Variants in CORO2B observed in about 807,000 individuals in gnomAD.
CORO2B encodes coronin 2B.
Under a neutral mutation model 58.8 loss-of-function variants are expected in CORO2B, and 26 were observed. The observed-to-expected ratio is 0.44, with a 90% confidence interval of 0.32 to 0.61. The LOEUF (loss-of-function observed/expected upper bound fraction) is 0.61, where lower values mean the gene tolerates loss of function less well. Among genes scored for constraint, CORO2B ranks in the 20% least tolerant of loss-of-function variants. CORO2B has a pLI of 0.04. For missense variants in CORO2B, 460 were observed against 645.1 expected (o/e 0.71, Z 3.11); for synonymous variants, 242 against 253.8 (o/e 0.95, Z 0.44).
At chr15:68,617,835 G>C (rs1386102281) in intron 1 of CORO2B, among the ~76,000 whole-genome samples, 2 of 152,184 alleles carry the variant, frequency 1.3e-5, no homozygotes, top group East Asian at 3.9e-4. Flanking sequence ...TGAGCCCTGT[G>C]CCTGAATGGG....
At chr15:68,711,436 C>T in intron 4 of CORO2B, 106 bp from the exon 5 acceptor site, 2 of 932,378 alleles carry the variant, frequency 2.1e-6, no homozygotes, top group Non-Finnish European at 1.6e-6. Context: ...ACACCCCAGG[C>T]CCTGCATGGG....
At chr15:68,560,237 CCTTT>C in the CORO2B span, among the ~76,000 whole-genome samples, 9 of 151,940 alleles carry the variant, frequency 5.9e-5, no homozygotes, top group African/African-American at 7.2e-5. Context: ...TTGTTTTCTT[CCTTT>C]CTTTCTCTTT....
At chr15:68,721,134 G>C (rs112259028) in intron 11 of CORO2B, among the ~76,000 whole-genome samples, 26,508 of 151,604 alleles carry the variant, frequency 0.17, 2,856 homozygotes, top group Non-Finnish European at 0.24. Context: ...CACCTGCCTC[G>C]GCCTCCCAAA....
chr15:68,674,322 A>G (rs1393014536), intron 2 of CORO2B, among the ~76,000 whole-genome samples: 1 of 152,178 alleles, frequency 6.6e-6, no homozygotes, highest in Non-Finnish European at 1.5e-5. Flanking sequence ...TGGGTAGTAT[A>G]TATTCTCTGC....
At chr15:68,650,427 A>G (rs1270132742) in intron 2 of CORO2B, among the ~76,000 whole-genome samples, 3 of 150,524 alleles carry the variant, frequency 2.0e-5, no homozygotes, top group East Asian at 3.9e-4. Flanking sequence ...CCTGGCCAAC[A>G]TGGTGAAACC....
At chr15:68,607,101 G>A (rs1347015490) in intron 1 of CORO2B, among the ~76,000 whole-genome samples, 3 of 152,170 alleles carry the variant, frequency 2.0e-5, no homozygotes, top group African/African-American at 7.2e-5. Context: ...GTTAGCAAGG[G>A]GCCTCAAGGA....
chr15:68,724,666 A>G (rs71402286), intron 11 of CORO2B, among the ~76,000 whole-genome samples: 1 of 152,178 alleles, frequency 6.6e-6, no homozygotes, highest in Non-Finnish European at 1.5e-5. Flanking sequence ...TTTTATAGAA[A>G]CAACAACTCT....
rs545154857 is a variant in CORO2B, at chr15:68,598,372, A to G, written c.15+19095A>G. Among the ~76,000 whole-genome samples, 7 of 152,320 alleles carry G rather than the reference A, an allele frequency of 4.6e-5. 1 individual carries two copies. In the South Asian group the frequency reaches 1.0e-3, roughly 23 times the overall value. On this transcript the variant is annotated intron_variant, in intron 1 of 11. Coordinates refer to ENST00000261861, the MANE Select transcript of CORO2B (RefSeq NM_006091.5). ...GTGCTTTGGTAGGGGGTGGAGATAA[A>G]TGGGAAGTTCTGCTGTCTCTGCTTC...
chr15:68,525,558 T>C, the CORO2B span, among the ~76,000 whole-genome samples: 1 of 152,186 alleles, frequency 6.6e-6, no homozygotes, highest in Non-Finnish European at 1.5e-5. Flanking sequence ...AAAGTAGAAA[T>C]GTAATTTCTG....
intron 2 of CORO2B, among the ~76,000 whole-genome samples, chr15:68,658,531 CTT>C (rs1238888650): frequency 6.6e-6 from 1 of 152,214 alleles, no homozygotes; most frequent in Admixed American, 6.5e-5. Flanking sequence ...GTGCTTAACT[CTT>C]TGCACCCACT....
At position 68,695,221 on chromosome 15, in the gene CORO2B, G is replaced by T; in HGVS notation, c.298G>T (p.Asp100Tyr). Residue 100 changes from aspartate to tyrosine, a missense_variant, in exon 3 of 12, where the codon GAC (aspartate) becomes TAC (tyrosine). Physicochemically the swap from Asp to Tyr is radical, Grantham distance 160. Around this residue, in one of 2 missense-constraint regions of CORO2B, gnomAD observed 352 missense variants for 543.0 expected, o/e 0.65. Coordinates refer to ENST00000261861, the MANE Select transcript of CORO2B (RefSeq NM_006091.5). Reference protein sequence around the residue: ...VLDIKWNPFIDNIIASCSEDT... With the variant: ...VLDIKWNPFIYNIIASCSEDT... ...GGATATCAAATGGAACCCCTTCATC[G>T]ACAACATCATTGCCTCGTGCTCGGA... 1 of 1,614,034 alleles carries T rather than the reference G, an allele frequency of 6.2e-7. No individual in the cohort carries two copies. Among genetic ancestry groups the T allele is most frequent in the Non-Finnish European group, 8.5e-7 (1 of 1,180,012 alleles).
chr15:68,580,025 G>A (rs1354184220), intron 1 of CORO2B, among the ~76,000 whole-genome samples: 2 of 152,240 alleles, frequency 1.3e-5, no homozygotes, highest in Non-Finnish European at 2.9e-5. Flanking sequence ...GAAAGTGCCA[G>A]GGTCAAGGGA....
At chr15:68,527,289 G>T in the CORO2B span, among the ~76,000 whole-genome samples, 1 of 152,062 alleles carries the variant, frequency 6.6e-6, no homozygotes, top group Non-Finnish European at 1.5e-5. Flanking sequence ...AAGTTGAAAA[G>T]ATTTTCTTCT....
At chr15:68,662,597 A>G (rs535594299) in intron 2 of CORO2B, among the ~76,000 whole-genome samples, 1 of 152,368 alleles carries the variant, frequency 6.6e-6, no homozygotes, top group East Asian at 1.9e-4. Context: ...GAATTGAATC[A>G]TATACATGGA....
intron 1 of CORO2B, among the ~76,000 whole-genome samples, chr15:68,623,712 G>A (rs892177280): frequency 2.0e-5 from 3 of 152,180 alleles, no homozygotes; most frequent in South Asian, 2.1e-4. Context: ...CAGCAGCAGC[G>A]GGTGGGAGGG....
intron 2 of CORO2B, among the ~76,000 whole-genome samples, chr15:68,657,208 G>A (rs1490309686): frequency 6.6e-6 from 1 of 152,040 alleles, no homozygotes; most frequent in African/African-American, 2.4e-5. Flanking sequence ...ATAGGATTAC[G>A]CAAGAAGCCA....
intron 1 of CORO2B, among the ~76,000 whole-genome samples, chr15:68,606,160 A>G (rs942493638): frequency 4.6e-5 from 7 of 152,190 alleles, no homozygotes; most frequent in African/African-American, 1.7e-4. Context: ...GGTGACTGCA[A>G]GAATCCAAAA....
chr15:68,585,442 T>C (rs1387251627), intron 1 of CORO2B, among the ~76,000 whole-genome samples: 1 of 152,144 alleles, frequency 6.6e-6, no homozygotes, highest in Non-Finnish European at 1.5e-5. Flanking sequence ...AACCATGGGG[T>C]AGATTCTATT....
At position 68,719,321 on chromosome 15, in the gene CORO2B, CCT is replaced by C. The variant is rs369691836; in HGVS notation, c.1171+88_1171+89del. Reference sequence around the variant, plus strand: ...CACCCCAGTTCTCCTTGTCTGTCCCCCTGTTTGAACTTCCCTCCCACCCAGCC... The same window carrying C: ...CACCCCAGTTCTCCTTGTCTGTCCCCGTTTGAACTTCCCTCCCACCCAGCC... On this transcript the variant is annotated intron_variant, in intron 10 of 11. Transcript: ENST00000261861. The C allele has an allele frequency of 1.5e-5, 24 of 1,598,446 alleles. No homozygotes were observed. The African/African-American group carries it at 2.3e-4, about 15-fold the overall frequency.
Sources: gnomAD v4.1 joint callset for allele counts (sites outside exome capture counted in the v4.1 genomes callset) on GRCh38, gnomAD v4.1.1 for gene constraint, gnomAD v4.1.1 regional missense constraint, MANE v1.5 for transcripts, NCBI Gene and HGNC (gene_info 2026-07-23, HGNC 2026-07-21) for gene names.